The following BPIFA3 variants were observed in gnomAD, a reference collection of about 807,000 sequenced individuals.
BPIFA3 encodes BPI fold-containing family A member 3.
In BPIFA3, 32 loss-of-function variants were observed where a neutral mutation model predicts 29.7. That is an observed-to-expected ratio of 1.08 (90% confidence interval 0.81 to 1.45). The LOEUF (loss-of-function observed/expected upper bound fraction) is 1.45, where lower values mean the gene tolerates loss of function less well. BPIFA3 is among the 40% of genes most tolerant of loss of function. The probability of loss-of-function intolerance (pLI) is 0.00; values close to 1 mark genes in which losing one functional copy is unlikely to be tolerated. For synonymous variants in BPIFA3, 112 were observed against 113.7 expected, an observed-to-expected ratio of 0.98 and a Z score of 0.10; for missense variants, 323 against 311.3, an observed-to-expected ratio of 1.04 and a Z score of -0.28.
intron 1 of BPIFA3, among the ~76,000 whole-genome samples, chr20:33,222,239 T>C (rs893548494): frequency 2.0e-5 from 3 of 152,286 alleles, no homozygotes; most frequent in African/African-American, 7.2e-5. Context: ...GCTATCATCA[T>C]GGTTTTATCC....
In BPIFA3 at chr20:33,226,995, T is replaced by C. The variant is rs1319227706; in HGVS notation, c.685+2T>C. On this transcript the variant is annotated splice_donor_variant, in intron 6 of 6. Transcript: ENST00000375454. LOFTEE classifies it high-confidence loss of function. ...TGAAACTGTTGAAAAGCCTCATAGGTGAGTGTCTGGTCCATCCAGTGAGGA... is the reference window on the plus strand; with the variant it reads ...TGAAACTGTTGAAAAGCCTCATAGGCGAGTGTCTGGTCCATCCAGTGAGGA... The C allele has an allele frequency of 3.1e-6, 5 of 1,612,852 alleles. No individual in the cohort carries two copies. The African/African-American group carries it at 6.7e-5, about 22-fold the overall frequency.
At chr20:33,219,117 G>A (rs938512208) in intron 1 of BPIFA3, among the ~76,000 whole-genome samples, 3 of 152,038 alleles carry the variant, frequency 2.0e-5, no homozygotes, top group African/African-American at 7.2e-5. Flanking sequence ...TGTTGGCCAG[G>A]CGGTCTCGAA....
chr20:33,218,599 A>G (rs1339382574), intron 1 of BPIFA3, among the ~76,000 whole-genome samples: 1 of 152,118 alleles, frequency 6.6e-6, no homozygotes, highest in East Asian at 1.9e-4. Flanking sequence ...CACCTTCTCG[A>G]TGTCTCCATA....
intron 1 of BPIFA3, among the ~76,000 whole-genome samples, chr20:33,220,689 C>A (rs901754608): frequency 6.6e-6 from 1 of 152,194 alleles, no homozygotes; most frequent in East Asian, 1.9e-4. Flanking sequence ...AAGCTGTTGA[C>A]TTCTTCTGAT....
Position 33,223,868 on chromosome 20 carries a change from T to A in BPIFA3, c.185T>A (p.Phe62Tyr), listed in dbSNP as rs551941343. 6.2e-6 allele frequency: 10 copies of A among 1,614,090 alleles called. No individual in the cohort carries two copies. Among genetic ancestry groups the A allele is most frequent in the Non-Finnish European group, 8.5e-6 (10 of 1,180,028 alleles). ...NAESRIQNIH[F>Y]GDRLNASAQV... ...GAAAGCCGAATTCAGAACATCCACTTTGGGGACAGACTGAATGCCTCAGCA... is the reference window on the plus strand; with the variant it reads ...GAAAGCCGAATTCAGAACATCCACTATGGGGACAGACTGAATGCCTCAGCA... Residue 62 changes from phenylalanine to tyrosine, a missense_variant, in exon 2 of 7, where the codon TTT becomes TAT. Transcript: ENST00000375454.
chr20:33,227,575 C>T lies in BPIFA3; in HGVS notation c.723C>T (p.Thr241=), dbSNP rs539300609. ...EAAHEPTHHE[T]SQPSACQAGE... is the part of the protein sequence containing the mutation. ...CTCATGAACCAACCCACCATGAAAC[C>T]AGCCAACCCTCTGCATGCCAGGCTG... Residue 241 remains threonine, a synonymous_variant, in exon 7 of 7, where the codon ACC becomes ACT. Coordinates refer to ENST00000375454, the MANE Select transcript of BPIFA3 (RefSeq NM_178466.5). The T allele has an allele frequency of 1.2e-6, 2 of 1,614,118 alleles. No individual in the cohort carries two copies. The highest frequency in any genetic ancestry group is 1.7e-5 in the Admixed American group (1 of 60,020).
chr20:33,218,498 TTTC>T, intron 1 of BPIFA3, among the ~76,000 whole-genome samples: 1 of 152,268 alleles, frequency 6.6e-6, no homozygotes, highest in African/African-American at 2.4e-5. Flanking sequence ...ACACATTCAT[TTTC>T]TCACAGTTCT....
chr20:33,223,820 A>G lies in BPIFA3; in HGVS notation c.137A>G (p.Gln46Arg), dbSNP rs139890063. The G allele has an allele frequency of 7.4e-6, 12 of 1,613,346 alleles. No homozygotes were observed. The highest frequency in any genetic ancestry group is 9.3e-6 in the Non-Finnish European group (11 of 1,179,400). ...CCTTGTGCATTTCCAGTTATTGCTC[A>G]GGGCCTCATAAAGCACAACGCAGAA... is the stretch of plus-strand genomic sequence containing the variant. ...NKSTLARIIA[Q>R]GLIKHNAESR... The change falls in exon 2 of 7, where the codon CAG (glutamine) becomes CGG (arginine). Residue 46 changes from glutamine (Q) to arginine (R), a missense_variant. Transcript: ENST00000375454.
chr20:33,221,546 C>G (rs1239611703), intron 1 of BPIFA3, among the ~76,000 whole-genome samples: 3 of 152,160 alleles, frequency 2.0e-5, no homozygotes, highest in Non-Finnish European at 4.4e-5. Context: ...TGGTACTGTC[C>G]TTGAGGCTAG....
In BPIFA3 at chr20:33,227,666, C is replaced by G. The variant is rs757117731; in HGVS notation, c.*49C>G. On this transcript the variant is annotated 3_prime_UTR_variant, in exon 7 of 7. Coordinates refer to ENST00000375454, the MANE Select transcript of BPIFA3 (RefSeq NM_178466.5). The stretch of plus-strand genomic sequence containing the variant: ...CCACATCTTGCAACCTTAAGTCTCC[C>G]TTAGAGTGGGGCTTCTGCTACCCTA... 1.3e-6 allele frequency: 2 copies of G among 1,511,896 alleles called. No individual in the cohort carries two copies. Among genetic ancestry groups the G allele is most frequent in the Admixed American group, 1.7e-5 (1 of 59,704 alleles). The allele number at this position is 1,511,896 out of a possible 1,614,324, so 93.7% of individuals were successfully genotyped here.
At chr20:33,222,337 A>C (rs1985551240) in intron 1 of BPIFA3, among the ~76,000 whole-genome samples, 2 of 152,246 alleles carry the variant, frequency 1.3e-5, no homozygotes, top group African/African-American at 4.8e-5. Flanking sequence ...TAGGAGAAAC[A>C]GAAAGGAATT....
At chr20:33,227,134 T>C (rs572862356) in intron 6 of BPIFA3, 141 bp downstream of exon 6, 3 of 710,336 alleles carry the variant, frequency 4.2e-6, no homozygotes, top group South Asian at 3.3e-5. Context: ...GTGACCATAT[T>C]ATGATGACCA....
At chr20:33,226,262 T>C (rs556558226) in intron 4 of BPIFA3, 144 bp from the exon 5 acceptor site, 25 of 663,348 alleles carry the variant, frequency 3.8e-5, no homozygotes, top group Non-Finnish European at 6.3e-5. Flanking sequence ...AGCTACCCCT[T>C]TGATGATCAC....
Position 33,217,653 on chromosome 20 carries a change from C to T in BPIFA3, c.117C>T (p.Thr39=). The T allele has an allele frequency of 1.9e-6, 3 of 1,613,504 alleles. No individual in the cohort carries two copies. The highest frequency in any genetic ancestry group is 2.5e-6 in the Non-Finnish European group (3 of 1,179,766). The part of the protein sequence containing the change: ...LAQAHRDNKS[T]LARIIAQGLI... Reference sequence around the variant, plus strand: ...AAGCCCACAGAGACAACAAATCCACCCTGGCAAGAAGTAAGCTAAGCCCCG... The same window carrying T: ...AAGCCCACAGAGACAACAAATCCACTCTGGCAAGAAGTAAGCTAAGCCCCG... The change falls in exon 1 of 7, where the codon ACC becomes ACT. Residue 39 remains threonine, a synonymous_variant. Transcript: ENST00000375454.
intron 6 of BPIFA3, 35 bp downstream of exon 6, chr20:33,227,028 G>A (rs2146490326): frequency 1.3e-6 from 2 of 1,593,156 alleles, no homozygotes; most frequent in East Asian, 2.2e-5. Context: ...GGACTTCTTA[G>A]GACTGGCAAG....
intron 1 of BPIFA3, among the ~76,000 whole-genome samples, chr20:33,221,006 C>A (rs1181658250): frequency 4.6e-5 from 7 of 152,160 alleles, no homozygotes; most frequent in Non-Finnish European, 8.8e-5. Flanking sequence ...TCAGTATTGA[C>A]CTTTAACAAA....
Position 33,217,557 on chromosome 20 carries a change from G to T in BPIFA3, c.21G>T (p.Arg7Ser). The T allele has an allele frequency of 6.2e-7, 1 of 1,614,116 alleles. No individual in the cohort carries two copies. Among genetic ancestry groups the T allele is most frequent in the Non-Finnish European group, 8.5e-7 (1 of 1,180,010 alleles). Reference sequence around the variant, plus strand: ...ACCCTATGATGTGTCCACTCTGGAGGCTCCTCATCTTCCTCGGGTTGCTGG... The same window carrying T: ...ACCCTATGATGTGTCCACTCTGGAGTCTCCTCATCTTCCTCGGGTTGCTGG... MMCPLW[R>S]LLIFLGLLAL... The change falls in exon 1 of 7, where the codon AGG becomes AGT. Residue 7 changes from arginine (R) to serine (S), a missense_variant. Arg to Ser is a moderately radical substitution (Grantham distance 110). Transcript: ENST00000375454.
chr20:33,225,048 T>G (rs1384020232), intron 3 of BPIFA3, 50 bp from the exon 4 acceptor site: 2 of 1,567,972 alleles, frequency 1.3e-6, no homozygotes, highest in Non-Finnish European at 1.8e-6. Flanking sequence ...TTTCTACTCT[T>G]TCTCTACCTC....
chr20:33,222,778 T>G (rs1299055761), intron 1 of BPIFA3, among the ~76,000 whole-genome samples: 1 of 152,194 alleles, frequency 6.6e-6, no homozygotes, highest in Non-Finnish European at 1.5e-5. Context: ...ACCACTATAA[T>G]CATGAACCAA....
Sources: gnomAD v4.1 joint callset for allele counts (sites outside exome capture counted in the v4.1 genomes callset) on GRCh38, gnomAD v4.1.1 for gene constraint, MANE v1.5 for transcripts, NCBI Gene and HGNC (gene_info 2026-07-23, HGNC 2026-07-21) for gene names.